Variants in DRC11 observed in about 807,000 individuals in gnomAD.
DRC11 encodes IQ and AAA domain-containing protein 1.
chr2:236,382,557 T>A, the DRC11 span, among the ~76,000 whole-genome samples: 1 of 152,226 alleles, frequency 6.6e-6, no homozygotes, highest in Non-Finnish European at 1.5e-5. Context: ...TTTTACTATG[T>A]TGAGTCTTCC....
At chr2:236,326,375 G>T in the DRC11 span, among the ~76,000 whole-genome samples, 1 of 152,070 alleles carries the variant, frequency 6.6e-6, no homozygotes, top group African/African-American at 2.4e-5. Context: ...ATGGATCTTT[G>T]TATTTTTATG....
the DRC11 span, among the ~76,000 whole-genome samples, chr2:236,435,105 T>C: frequency 2.0e-5 from 3 of 152,184 alleles, no homozygotes; most frequent in Non-Finnish European, 4.4e-5. Flanking sequence ...TGCTTAACTC[T>C]GAGGGCTCTT....
At chr2:236,357,715 T>C in the DRC11 span, among the ~76,000 whole-genome samples, 226 of 126,548 alleles carry the variant, frequency 1.8e-3, no homozygotes, top group Non-Finnish European at 3.1e-3. Flanking sequence ...TAAATATGTA[T>C]TTATAATATA....
chr2:236,382,099 C>A, the DRC11 span, among the ~76,000 whole-genome samples: 2 of 152,208 alleles, frequency 1.3e-5, no homozygotes, highest in South Asian at 4.1e-4. Context: ...AGTCTGTGAC[C>A]CATTTTGAAT....
chr2:236,309,931 G>A, the DRC11 span, among the ~76,000 whole-genome samples: 1 of 152,204 alleles, frequency 6.6e-6, no homozygotes, highest in Non-Finnish European at 1.5e-5. This position sits in a 1 kb window ranked among gnomAD's most constrained non-coding sequence, Gnocchi z 5.7. Context: ...TTGGCCACCG[G>A]AGGAGCAATC....
chr2:236,321,385 A>G, the DRC11 span, among the ~76,000 whole-genome samples: 1 of 152,226 alleles, frequency 6.6e-6, no homozygotes, highest in African/African-American at 2.4e-5. Context: ...TTAAGCAAAA[A>G]GAGCAAGAAG....
chr2:236,351,239 C>T, the DRC11 span, among the ~76,000 whole-genome samples: 1 of 152,072 alleles, frequency 6.6e-6, no homozygotes, highest in Non-Finnish European at 1.5e-5. The surrounding 1 kb of genome is among the most constrained non-coding windows in gnomAD (Gnocchi z 7.3). Context: ...TAAGGGAGAG[C>T]AGACCTGAGG....
At chr2:236,308,425 G>T in the DRC11 span, among the ~76,000 whole-genome samples, 14 of 152,194 alleles carry the variant, frequency 9.2e-5, no homozygotes, top group Admixed American at 3.9e-4. This position sits in a 1 kb window ranked among gnomAD's most constrained non-coding sequence, Gnocchi z 6.0. Flanking sequence ...TGCCACTTTC[G>T]GGAACATACC....
chr2:236,493,954 A>G, the DRC11 span: 4 of 1,400,622 alleles, frequency 2.9e-6, no homozygotes, highest in Non-Finnish European at 3.8e-6. Flanking sequence ...TTTATTTAAA[A>G]TATACAGTAA....
the DRC11 span, among the ~76,000 whole-genome samples, chr2:236,309,209 T>C: frequency 3.9e-5 from 6 of 152,190 alleles, no homozygotes; most frequent in Admixed American, 3.3e-4. The surrounding 1 kb of genome is among the most constrained non-coding windows in gnomAD (Gnocchi z 5.7). Flanking sequence ...TCCCCGAGGT[T>C]GTGCTGTGCC....
chr2:236,340,143 AT>A, the DRC11 span, among the ~76,000 whole-genome samples: 1 of 152,096 alleles, frequency 6.6e-6, no homozygotes, highest in Non-Finnish European at 1.5e-5. Context: ...AATTTCTTTT[AT>A]TTTTGAGACA....
the DRC11 span, among the ~76,000 whole-genome samples, chr2:236,426,528 G>A: frequency 6.7e-6 from 1 of 150,242 alleles, no homozygotes; most frequent in Non-Finnish European, 1.5e-5. This position sits in a 1 kb window ranked among gnomAD's most constrained non-coding sequence, Gnocchi z 4.1. Flanking sequence ...AGTTCTAATA[G>A]TATTTTTAGT....
the DRC11 span, among the ~76,000 whole-genome samples, chr2:236,379,027 AG>A: frequency 2.0e-5 from 3 of 152,170 alleles, no homozygotes; most frequent in African/African-American, 7.2e-5. Flanking sequence ...CTGTGTTTCC[AG>A]GGGCTGCTTG....
chr2:236,399,624 C>A, the DRC11 span: 2 of 705,716 alleles, frequency 2.8e-6, no homozygotes, highest in East Asian at 2.6e-5. The surrounding 1 kb of genome is among the most constrained non-coding windows in gnomAD (Gnocchi z 7.0). Context: ...CCCTCTGGCC[C>A]GTCTAAGTAT....
chr2:236,500,063 T>G, the DRC11 span, among the ~76,000 whole-genome samples: 1 of 151,816 alleles, frequency 6.6e-6, no homozygotes, highest in South Asian at 2.1e-4. This position sits in a 1 kb window ranked among gnomAD's most constrained non-coding sequence, Gnocchi z 6.3. Context: ...ATCTTGATGT[T>G]TGCAAGACTT....
chr2:236,434,697 G>A, the DRC11 span, among the ~76,000 whole-genome samples: 6 of 152,164 alleles, frequency 3.9e-5, no homozygotes, highest in Non-Finnish European at 8.8e-5. The surrounding 1 kb of genome is among the most constrained non-coding windows in gnomAD (Gnocchi z 5.5). Context: ...CTCTTTCAAT[G>A]TGTTAACCAG....
the DRC11 span, among the ~76,000 whole-genome samples, chr2:236,491,161 A>ATATATATATATATATACACACAG: frequency 7.8e-5 from 4 of 51,524 alleles, no homozygotes; most frequent in African/African-American, 4.8e-4. Flanking sequence ...TACACACAGT[A>ATATATATATATATATACACACAG]TATATATATA....
chr2:236,411,907 G>A, the DRC11 span, among the ~76,000 whole-genome samples: 1 of 107,222 alleles, frequency 9.3e-6, no homozygotes, highest in African/African-American at 3.7e-5. Context: ...GGGGTGGGGG[G>A]AGGGGGGAGG....
chr2:236,320,338 G>A, the DRC11 span, among the ~76,000 whole-genome samples: 1 of 152,218 alleles, frequency 6.6e-6, no homozygotes, highest in African/African-American at 2.4e-5. Flanking sequence ...GACAGGACAA[G>A]CCACTTATGC....
Sources: allele counts gnomAD v4.1 joint callset (sites outside exome capture counted in the v4.1 genomes callset), GRCh38; gene constraint gnomAD v4.1.1; non-coding constraint Gnocchi (gnomAD v3.1); transcripts MANE v1.5; gene names NCBI Gene and HGNC (gene_info 2026-07-23, HGNC 2026-07-21).